Variants in BCHE observed in about 807,000 individuals in gnomAD.
BCHE encodes the protein butyrylcholinesterase.
Under a neutral mutation model 51.3 loss-of-function variants are expected in BCHE, and 48 were observed. The ratio of observed to expected loss-of-function variants is 0.94; its 90% CI spans 0.74 to 1.19. The LOEUF (loss-of-function observed/expected upper bound fraction) is 1.19, where lower values mean the gene tolerates loss of function less well. Ranked by LOEUF, BCHE falls within the 50% of genes most tolerant of loss-of-function variation. The pLI, the probability that BCHE is intolerant of heterozygous loss-of-function variation, is 0.00. For synonymous variants in BCHE, 251 were observed against 238.0 expected (o/e 1.05, Z -0.50); for missense variants, 847 against 708.2 (o/e 1.20, Z -2.23).
intron 2 of BCHE, among the ~76,000 whole-genome samples, chr3:165,810,984 T>A (rs79703428): frequency 1.3e-5 from 2 of 152,260 alleles, no homozygotes; most frequent in East Asian, 3.9e-4. Context: ...CTTCTACATC[T>A]TATTGGAGTT....
chr3:165,828,868 T>C (rs942543244), intron 2 of BCHE, among the ~76,000 whole-genome samples: 8 of 152,172 alleles, frequency 5.3e-5, no homozygotes, highest in Non-Finnish European at 1.2e-4. Context: ...TTTTTTGTAA[T>C]GTCTCTGATT....
At chr3:165,836,239 A>T (rs1715184884) in intron 1 of BCHE, among the ~76,000 whole-genome samples, 6 of 151,980 alleles carry the variant, frequency 3.9e-5, no homozygotes, top group Admixed American at 3.9e-4. Context: ...ATCCAGAGAA[A>T]ATTCTGAAGA....
chr3:165,783,038 C>T (rs536674455), intron 3 of BCHE, among the ~76,000 whole-genome samples: 9 of 152,086 alleles, frequency 5.9e-5, no homozygotes, highest in African/African-American at 1.7e-4. Context: ...GGTGAATTAA[C>T]CCACAATTGC....
chr3:165,779,168 A>G (rs73165087), intron 3 of BCHE, among the ~76,000 whole-genome samples: 272 of 152,328 alleles, frequency 1.8e-3, no homozygotes, highest in Non-Finnish European at 2.7e-3. Flanking sequence ...ACTCTGTAGG[A>G]AAAGAAACTG....
chr3:165,781,847 A>G (rs1349273871), intron 3 of BCHE, among the ~76,000 whole-genome samples: 2 of 152,196 alleles, frequency 1.3e-5, no homozygotes, highest in Non-Finnish European at 2.9e-5. Context: ...TTTATGTGGT[A>G]TGAAAAATAA....
rs11391808 is a variant in BCHE, at chr3:165,812,286, AT to A, written c.1517+17230del. On this transcript the variant is annotated intron_variant, in intron 2 of 3. Transcript: ENST00000264381. The stretch of plus-strand genomic sequence containing the variant: ...AAAAAATGGATCTCATGAGTCTTTG[AT>A]TTTTTTTTTTGAGGTCCCACTACGT... Among the ~76,000 whole-genome samples the A allele has an allele frequency of 1.9e-3, 285 of 147,702 alleles. 1 individual carries two copies. Among genetic ancestry groups the A allele is most frequent in the African/African-American group, 6.8e-3 (276 of 40,582 alleles).
intron 1 of BCHE, among the ~76,000 whole-genome samples, chr3:165,835,160 T>C (rs1715146243): frequency 6.7e-6 from 1 of 149,128 alleles, no homozygotes; most frequent in Admixed American, 6.8e-5. Flanking sequence ...GCTAAACTGT[T>C]ATAACAATAA....
chr3:165,778,426 T>G, intron 3 of BCHE: 1 of 187,650 alleles, frequency 5.3e-6, no homozygotes, highest in African/African-American at 2.3e-5. Context: ...TAGTAAAAGA[T>G]TATACATTTA....
intron 2 of BCHE, 34 bp from the exon 3 acceptor site, chr3:165,786,345 T>G: frequency 6.5e-7 from 1 of 1,549,910 alleles, no homozygotes; most frequent in Non-Finnish European, 8.9e-7. Flanking sequence ...ATAGTAAAAT[T>G]GAAATCATTG....
At chr3:165,777,268 A>G (rs1382004247) in intron 3 of BCHE, among the ~76,000 whole-genome samples, 1 of 151,968 alleles carries the variant, frequency 6.6e-6, no homozygotes, top group Non-Finnish European at 1.5e-5. Context: ...TCATATAACT[A>G]TGTAGTAAGA....
At chr3:165,828,883 A>G (rs2108233853) in intron 2 of BCHE, among the ~76,000 whole-genome samples, 1 of 152,250 alleles carries the variant, frequency 6.6e-6, no homozygotes, top group Admixed American at 6.5e-5. Context: ...CTGATTATCT[A>G]ATGTCAGCCA....
At chr3:165,809,355 T>C (rs1197653645) in intron 2 of BCHE, among the ~76,000 whole-genome samples, 1 of 152,164 alleles carries the variant, frequency 6.6e-6, no homozygotes, top group Non-Finnish European at 1.5e-5. Context: ...ATGAGAGTTT[T>C]CAGCTTTTGT....
chr3:165,828,858 T>C (rs989396825), intron 2 of BCHE, among the ~76,000 whole-genome samples: 1 of 151,572 alleles, frequency 6.6e-6, no homozygotes, highest in Non-Finnish European at 1.5e-5. Flanking sequence ...GGGAAATATG[T>C]TTTTTGTAAT....
At chr3:165,825,227 T>C (rs1297835714) in intron 2 of BCHE, among the ~76,000 whole-genome samples, 1 of 152,070 alleles carries the variant, frequency 6.6e-6, no homozygotes, top group Non-Finnish European at 1.5e-5. Flanking sequence ...CCTAAGTAAT[T>C]TAGTAAGTAA....
chr3:165,804,479 A>G (rs553876833), intron 2 of BCHE, among the ~76,000 whole-genome samples: 64 of 152,332 alleles, frequency 4.2e-4, no homozygotes, highest in African/African-American at 1.4e-3. Context: ...GCATAGTCAT[A>G]TGTGGATGGG....
At chr3:165,783,832 A>C (rs112665491) in intron 3 of BCHE, among the ~76,000 whole-genome samples, 8,072 of 152,038 alleles carry the variant, frequency 0.053, 285 homozygotes, top group Non-Finnish European at 0.079. Flanking sequence ...GGAAATCTGA[A>C]TTTGATAACA....
intron 2 of BCHE, among the ~76,000 whole-genome samples, chr3:165,798,473 A>G (rs963571587): frequency 6.6e-6 from 1 of 152,302 alleles, no homozygotes; most frequent in African/African-American, 2.4e-5. Flanking sequence ...CTCAGTTAAC[A>G]TTCACTATAA....
At chr3:165,809,867 C>T (rs1253810903) in intron 2 of BCHE, among the ~76,000 whole-genome samples, 1 of 152,048 alleles carries the variant, frequency 6.6e-6, no homozygotes, top group Non-Finnish European at 1.5e-5. Flanking sequence ...TAAATTTCTT[C>T]AACTGTCAAC....
chr3:165,792,982 T>C (rs929983147), intron 2 of BCHE, among the ~76,000 whole-genome samples: 9 of 152,144 alleles, frequency 5.9e-5, no homozygotes, highest in Admixed American at 3.3e-4. Flanking sequence ...GGTTGTCCCT[T>C]TTCTCTGTTA....
Sources: gnomAD v4.1 joint callset for allele counts (sites outside exome capture counted in the v4.1 genomes callset) on GRCh38, gnomAD v4.1.1 for gene constraint, MANE v1.5 for transcripts, NCBI Gene and HGNC (gene_info 2026-07-23, HGNC 2026-07-21) for gene names.